POLDIP3: variants seen among roughly 807,000 people sequenced by gnomAD.
POLDIP3 encodes DNA polymerase delta interacting protein 3, also known as polymerase delta-interacting protein 3.
POLDIP3 carries 14 observed loss-of-function variants against 45.1 expected under a neutral mutation model. The observed-to-expected ratio is 0.31, with a 90% CI of 0.20 to 0.49. The LOEUF is 0.49. Among genes scored for constraint, POLDIP3 ranks in the 20% least tolerant of loss-of-function variants. The pLI is 0.99. For synonymous variants in POLDIP3, 223 were observed against 205.2 expected, an observed-to-expected ratio of 1.09 and a Z score of -0.74; for missense variants, 511 against 538.8, an observed-to-expected ratio of 0.95 and a Z score of 0.51.
intron 1 of POLDIP3, among the ~76,000 whole-genome samples, chr22:42,606,828 A>G (rs1399673913): frequency 6.6e-6 from 1 of 152,228 alleles, no homozygotes; most frequent in African/African-American, 2.4e-5. Context: ...GGAAACTCAG[A>G]ACCAAGGAGA....
chr22:42,614,671 A>G (rs1927364239), intron 1 of POLDIP3, 128 bp downstream of exon 1: 1 of 1,027,512 alleles, frequency 9.7e-7, no homozygotes, highest in African/African-American at 1.7e-5. Flanking sequence ...CCGGCCAATG[A>G]GGAGCGCGGC....
chr22:42,588,698 G>A (rs1252846143), intron 7 of POLDIP3, among the ~76,000 whole-genome samples: 2 of 149,564 alleles, frequency 1.3e-5, no homozygotes, highest in East Asian at 2.0e-4. Flanking sequence ...GTGCGATCTC[G>A]GCTCACGGCA....
At chr22:42,613,525 C>T (rs1431976446) in intron 1 of POLDIP3, among the ~76,000 whole-genome samples, 2 of 152,106 alleles carry the variant, frequency 1.3e-5, no homozygotes, top group Admixed American at 1.3e-4. Context: ...TTTAGGAGGC[C>T]GAGGCGGGAG....
At chr22:42,600,994 C>G (rs1400466062) in intron 3 of POLDIP3, among the ~76,000 whole-genome samples, 1 of 151,858 alleles carries the variant, frequency 6.6e-6, no homozygotes, top group Non-Finnish European at 1.5e-5. Context: ...ACTCAGGAGG[C>G]TGAGGTGGGA....
chr22:42,592,175 GCTGCAGCTAAATGCGCCCTGCGCCTGAGA>G (rs1294322812), intron 6 of POLDIP3, 91 bp from the exon 7 acceptor site: 2 of 1,561,806 alleles, frequency 1.3e-6, no homozygotes, highest in Middle Eastern at 2.1e-4. Flanking sequence ...TGGTGGTTCC[GCTGCAGCTAAATGCGCCCTGCGCCTGAGA>G]CTGCGGGGAG....
rs1925244797 is a variant in POLDIP3, at chr22:42,585,468, A to C, written c.*323T>G. ...CATCCCATGGGGCCACAAGAAAGCC[A>C]CCCAGAGAATTCAGTGTACCATTTC... On this transcript the variant is annotated 3_prime_UTR_variant, in exon 9 of 9. Transcript: ENST00000252115. The C allele has an allele frequency of 2.7e-6, 1 of 372,170 alleles. No individual in the cohort carries two copies. Among genetic ancestry groups the C allele is most frequent in the South Asian group, 2.3e-5 (1 of 43,756 alleles). The allele number at this position is 372,170 out of a possible 1,614,324, so 23.1% of individuals were successfully genotyped here.
chr22:42,614,584 G>A (rs1263863698), intron 1 of POLDIP3, among the ~76,000 whole-genome samples: 2 of 151,968 alleles, frequency 1.3e-5, no homozygotes, highest in African/African-American at 2.4e-5. Context: ...CGGCCCCGTC[G>A]GCCTCCCAGG....
chr22:42,599,766 C>T lies in POLDIP3; in HGVS notation c.565G>A (p.Asp189Asn), dbSNP rs767074100. 6.2e-7 allele frequency: 1 copy of T among 1,611,182 alleles called. No homozygotes were observed. Among genetic ancestry groups the T allele is most frequent in the East Asian group, 2.2e-5 (1 of 44,884 alleles). ...TTAGTAGGAACGGAAGCTATACCAT[C>T]ATCATCTTCATCCAGGTCATATAAA... ...QNLYDLDEDDDGIASVPTKQM... is the reference protein window; with the variant it reads ...QNLYDLDEDDNGIASVPTKQM... The change falls in exon 4 of 9, where the codon GAT becomes AAT. Residue 189 changes from aspartate (D) to asparagine (N), a missense_variant. Asp to Asn is a conservative substitution (Grantham distance 23). This residue lies in a region of POLDIP3 where 378 missense variants were observed against 352.3 expected (regional missense o/e 1.07). Coordinates refer to ENST00000252115, the MANE Select transcript of POLDIP3 (RefSeq NM_032311.5).
chr22:42,599,716 G>A lies in POLDIP3; in HGVS notation c.615C>T (p.Gly205=), dbSNP rs377499694. The change falls in exon 4 of 9, where the codon GGC becomes GGT. Residue 205 remains glycine (G), a synonymous_variant. Coordinates refer to ENST00000252115, the MANE Select transcript of POLDIP3 (RefSeq NM_032311.5). ...GCCATACCATGTGGTGGAGAAAGCC[G>A]CCTGAGGCTGCAAACTTCATCTGTT... is the stretch of plus-strand genomic sequence containing the variant. ...PTKQMKFAAS[G]GFLHHMAGLS... 3.0e-4 allele frequency: 476 copies of A among 1,609,640 alleles called. No homozygotes were observed. Among genetic ancestry groups the A allele is most frequent in the Non-Finnish European group, 3.8e-4 (445 of 1,176,142 alleles).
intron 1 of POLDIP3, among the ~76,000 whole-genome samples, chr22:42,614,095 G>A (rs977347429): frequency 1.3e-5 from 2 of 152,108 alleles, no homozygotes; most frequent in East Asian, 1.9e-4. Context: ...CATGTAGGAG[G>A]CCAACTCAGC....
At position 42,595,719 on chromosome 22, in the gene POLDIP3, C is replaced by T. The variant is rs375846632; in HGVS notation, c.814-105G>A. The T allele has an allele frequency of 1.8e-5, 18 of 1,009,496 alleles. No homozygotes were observed. The East Asian group carries it at 1.9e-4, about 11-fold the overall frequency. The allele number at this position is 1,009,496 out of a possible 1,614,324, so 62.5% of individuals were successfully genotyped here. A position where few individuals can be genotyped will look rare whatever the true frequency, so the allele number is the denominator to read the frequency against. ...ACTAGGAAGGCCCAGAGGAAAGCTC[C>T]ATGGAGAGTTACCACAAATGGGCCC... On this transcript the variant is annotated intron_variant, in intron 5 of 8. Coordinates refer to ENST00000252115, the MANE Select transcript of POLDIP3 (RefSeq NM_032311.5).
At chr22:42,611,884 AT>A (rs1410050586) in intron 1 of POLDIP3, among the ~76,000 whole-genome samples, 4 of 152,224 alleles carry the variant, frequency 2.6e-5, no homozygotes, top group Non-Finnish European at 5.9e-5. Flanking sequence ...CTCAAAAAAA[AT>A]AAAGAAATAA....
chr22:42,608,444 CA>C (rs891074295), intron 1 of POLDIP3, among the ~76,000 whole-genome samples: 4 of 149,782 alleles, frequency 2.7e-5, no homozygotes, highest in African/African-American at 7.4e-5. Flanking sequence ...CAAAACAAAA[CA>C]AAAAAAAACC....
chr22:42,595,742 C>T (rs561087038), intron 5 of POLDIP3, 128 bp from the exon 6 acceptor site: 1 of 785,322 alleles, frequency 1.3e-6, no homozygotes. Context: ...CACAAATGGG[C>T]CCCCTGAACT....
chr22:42,589,861 C>A (rs1306018094), intron 7 of POLDIP3, among the ~76,000 whole-genome samples: 1 of 147,084 alleles, frequency 6.8e-6, no homozygotes, highest in East Asian at 2.0e-4. Flanking sequence ...AAAAACAGAA[C>A]CTCAGTATTT....
chr22:42,600,662 T>C (rs980570404), intron 3 of POLDIP3, among the ~76,000 whole-genome samples: 1 of 140,844 alleles, frequency 7.1e-6, no homozygotes, highest in Non-Finnish European at 1.5e-5. Context: ...CAACCACAAC[T>C]ATGAGTTAAG....
At position 42,596,176 on chromosome 22, in the gene POLDIP3, A is replaced by G. The variant is rs2146812207; in HGVS notation, c.813+10T>C. On this transcript the variant is annotated intron_variant, in intron 5 of 8. Transcript: ENST00000252115. ...GACCCCAACTGCTGCAGTCACCACC[A>G]TCACCTCACCTCAGCAGCTGGCAGC... 1 of 1,613,570 alleles carries G rather than the reference A, an allele frequency of 6.2e-7. No homozygotes were observed. Among genetic ancestry groups the G allele is most frequent in the Non-Finnish European group, 8.5e-7 (1 of 1,179,772 alleles).
At chr22:42,600,884 G>A (rs972359374) in intron 3 of POLDIP3, among the ~76,000 whole-genome samples, 42 of 152,000 alleles carry the variant, frequency 2.8e-4, no homozygotes, top group Non-Finnish European at 3.2e-4. Flanking sequence ...CAGGAGGATC[G>A]ATTGAACCCA....
chr22:42,599,469 C>T (rs984250963), intron 4 of POLDIP3, among the ~76,000 whole-genome samples: 2 of 152,032 alleles, frequency 1.3e-5, no homozygotes, highest in Non-Finnish European at 2.9e-5. Flanking sequence ...CTGGGCGTGG[C>T]GGCAGGCGCC....
Sources: gnomAD v4.1 joint callset for allele counts (sites outside exome capture counted in the v4.1 genomes callset) on GRCh38, gnomAD v4.1.1 for gene constraint, gnomAD v4.1.1 regional missense constraint, MANE v1.5 for transcripts, NCBI Gene and HGNC (gene_info 2026-07-23, HGNC 2026-07-21) for gene names.